MAD1L1: variants seen among roughly 807,000 people sequenced by gnomAD.
MAD1L1 encodes mitotic arrest deficient 1 like 1.
In MAD1L1, 95 loss-of-function variants were observed where a neutral mutation model predicts 96.9. That is an observed-to-expected ratio of 0.98 (90% CI 0.83 to 1.16). MAD1L1 has a LOEUF of 1.16. Ranked by LOEUF, MAD1L1 falls within the 50% of genes most tolerant of loss-of-function variation. The probability of loss-of-function intolerance (pLI) is 0.00; values close to 1 mark genes in which losing one functional copy is unlikely to be tolerated. For synonymous variants in MAD1L1, 473 were observed against 396.6 expected, an observed-to-expected ratio of 1.19 and a Z score of -2.29; for missense variants, 1,007 against 954.4, an observed-to-expected ratio of 1.06 and a Z score of -0.73.
At chr7:2,128,898 G>A (rs547323787) in intron 11 of MAD1L1, among the ~76,000 whole-genome samples, 46 of 152,272 alleles carry the variant, frequency 3.0e-4, no homozygotes, top group African/African-American at 6.0e-4. Flanking sequence ...GGCTTCCCAC[G>A]CGGCAGTCAG....
intron 18 of MAD1L1, among the ~76,000 whole-genome samples, chr7:1,883,503 T>C (rs1785815992): frequency 6.6e-6 from 1 of 152,216 alleles, no homozygotes; most frequent in Non-Finnish European, 1.5e-5. Flanking sequence ...AGCTCCCCAC[T>C]GGCTGCTGCC....
At chr7:1,821,174 A>AT (rs1268070703) in intron 18 of MAD1L1, among the ~76,000 whole-genome samples, 1 of 152,104 alleles carries the variant, frequency 6.6e-6, no homozygotes, top group Non-Finnish European at 1.5e-5. Context: ...TAAAATAACA[A>AT]TAAAAAATAC....
chr7:2,220,617 C>T (rs1793550007), intron 5 of MAD1L1, among the ~76,000 whole-genome samples: 1 of 152,222 alleles, frequency 6.6e-6, no homozygotes, highest in African/African-American at 2.4e-5. Context: ...CCTCCGCAAA[C>T]AAGGAGGCCT....
intron 12 of MAD1L1, among the ~76,000 whole-genome samples, chr7:2,020,246 TC>T (rs1228155789): frequency 6.6e-6 from 1 of 151,750 alleles, no homozygotes; most frequent in Non-Finnish European, 1.5e-5. Flanking sequence ...GAAGTGGCTC[TC>T]CATGATCGGG....
chr7:1,852,539 C>T (rs1219963061), intron 18 of MAD1L1, among the ~76,000 whole-genome samples: 1 of 152,192 alleles, frequency 6.6e-6, no homozygotes, highest in South Asian at 2.1e-4. Flanking sequence ...GGCCCGACCG[C>T]CGCCATCTGA....
intron 18 of MAD1L1, among the ~76,000 whole-genome samples, chr7:1,888,694 G>A (rs1786340956): frequency 6.6e-6 from 1 of 151,252 alleles, no homozygotes; most frequent in South Asian, 2.1e-4. Context: ...GTCCATGCGT[G>A]TGTGTCGTGT....
At chr7:2,212,619 G>T (rs185761401) in intron 10 of MAD1L1, among the ~76,000 whole-genome samples, 2 of 152,160 alleles carry the variant, frequency 1.3e-5, no homozygotes, top group Admixed American at 1.3e-4. Flanking sequence ...TTGCATTGCG[G>T]CGTGCCTGTT....
At chr7:1,847,474 C>A (rs1783696453) in intron 18 of MAD1L1, 2 of 470,990 alleles carry the variant, frequency 4.2e-6, no homozygotes, top group African/African-American at 2.0e-5. Flanking sequence ...CCACACAACC[C>A]AGCCCCCACT....
chr7:1,937,057 T>C (rs868205087), intron 16 of MAD1L1, among the ~76,000 whole-genome samples, 160 bp from the exon 17 acceptor site: 6 of 152,154 alleles, frequency 3.9e-5, no homozygotes, highest in African/African-American at 1.4e-4. Flanking sequence ...CTGGCAGCCA[T>C]CTCTCCTGGA....
rs1001158712 is a variant in MAD1L1, at chr7:2,106,636, G to A, written c.1074-37298C>T. 2.0e-5 allele frequency among the ~76,000 whole-genome samples: 3 copies of A among 152,220 alleles called. 1 individual carries two copies. Among genetic ancestry groups the A allele is most frequent in the Non-Finnish European group, 2.9e-5 (2 of 68,028 alleles). The stretch of plus-strand genomic sequence containing the variant: ...TCTCCAGCCCACCAGACCCAGGCTA[G>A]CATAGCCCGTCACACTCTCGGCCCA... On this transcript the variant is annotated intron_variant, in intron 11 of 18. Transcript: ENST00000265854.
chr7:2,152,873 G>A (rs1357872480), intron 10 of MAD1L1, among the ~76,000 whole-genome samples: 3 of 152,184 alleles, frequency 2.0e-5, no homozygotes, highest in African/African-American at 7.2e-5. Flanking sequence ...GCCGGGAGAG[G>A]ACATGCACCG....
chr7:1,971,860 G>A (rs1780420697), intron 15 of MAD1L1, among the ~76,000 whole-genome samples: 1 of 152,146 alleles, frequency 6.6e-6, no homozygotes. Flanking sequence ...ACCCACCCCA[G>A]CAACAATTTC....
At chr7:2,024,513 C>T (rs1483182881) in intron 12 of MAD1L1, among the ~76,000 whole-genome samples, 1 of 152,228 alleles carries the variant, frequency 6.6e-6, no homozygotes, top group African/African-American at 2.4e-5. Context: ...GAGCCAATTT[C>T]CTTCAACTCC....
chr7:2,106,442 C>A (rs1445507886), intron 11 of MAD1L1, among the ~76,000 whole-genome samples: 1 of 151,718 alleles, frequency 6.6e-6, no homozygotes, highest in Non-Finnish European at 1.5e-5. Context: ...CCCCACCCTG[C>A]CCTTCCCACA....
intron 18 of MAD1L1, among the ~76,000 whole-genome samples, chr7:1,831,912 A>G (rs540572667): frequency 1.3e-5 from 2 of 152,344 alleles, no homozygotes; most frequent in African/African-American, 4.8e-5. Context: ...CTCACTGACA[A>G]TGCAACTAGT....
At chr7:1,953,712 C>T (rs73290598) in intron 16 of MAD1L1, among the ~76,000 whole-genome samples, 5,153 of 152,324 alleles carry the variant, frequency 0.034, 194 homozygotes, top group East Asian at 0.087. Context: ...TGGCGGGTGA[C>T]CAGGCGCTCG....
At chr7:2,129,673 C>T (rs759169873) in intron 11 of MAD1L1, among the ~76,000 whole-genome samples, 2 of 152,240 alleles carry the variant, frequency 1.3e-5, no homozygotes, top group Admixed American at 1.3e-4. Context: ...AAGACAGACA[C>T]AGCTGGACAC....
intron 12 of MAD1L1, among the ~76,000 whole-genome samples, chr7:2,049,944 A>G (rs201243839): frequency 1.5e-4 from 19 of 122,640 alleles, no homozygotes; most frequent in Admixed American, 8.6e-5. Flanking sequence ...CACGTTCACA[A>G]GGAACCTCAC....
intron 18 of MAD1L1, among the ~76,000 whole-genome samples, chr7:1,851,060 G>A (rs1382858200): frequency 2.0e-5 from 3 of 152,328 alleles, no homozygotes; most frequent in Admixed American, 2.0e-4. Flanking sequence ...CCAACAAGGT[G>A]GCAGGGAGGG....
Sources: gnomAD v4.1 joint callset for allele counts (sites outside exome capture counted in the v4.1 genomes callset) on GRCh38, gnomAD v4.1.1 for gene constraint, MANE v1.5 for transcripts, NCBI Gene and HGNC (gene_info 2026-07-23, HGNC 2026-07-21) for gene names.